GRM7: variants seen among roughly 807,000 people sequenced by gnomAD.
GRM7 encodes metabotropic glutamate receptor 7.
GRM7 carries 35 observed loss-of-function variants against 84.5 expected under a neutral mutation model. That is an observed-to-expected ratio of 0.41 (90% CI 0.32 to 0.55). The LOEUF (loss-of-function observed/expected upper bound fraction) is 0.55. Ranked by LOEUF, GRM7 falls within the 20% of genes least tolerant of loss-of-function variation. GRM7 has a pLI of 0.19. For synonymous variants in GRM7, 487 were observed against 455.1 expected, an observed-to-expected ratio of 1.07 and a Z score of -0.89; for missense variants, 1,003 against 1,194.6, an observed-to-expected ratio of 0.84 and a Z score of 2.36.
At chr3:7,034,573 ATTAC>A (rs1466258265) in intron 1 of GRM7, among the ~76,000 whole-genome samples, 2 of 152,228 alleles carry the variant, frequency 1.3e-5, no homozygotes, top group Non-Finnish European at 2.9e-5. Flanking sequence ...GAACTTCATT[ATTAC>A]TTTTTTCCAG....
intron 8 of GRM7, among the ~76,000 whole-genome samples, chr3:7,601,997 C>T (rs954823032): frequency 7.1e-6 from 1 of 141,094 alleles, no homozygotes; most frequent in Non-Finnish European, 1.5e-5. Flanking sequence ...GAAGGAAGGG[C>T]GAAATGTTGT....
At chr3:7,216,544 G>C (rs951344828) in intron 2 of GRM7, among the ~76,000 whole-genome samples, 3 of 152,220 alleles carry the variant, frequency 2.0e-5, no homozygotes, top group East Asian at 3.9e-4. Context: ...AACAATTTGA[G>C]ATTGCTTTAG....
chr3:6,944,035 G>A lies in GRM7; in HGVS notation c.519+82128G>A, dbSNP rs184213919. On this transcript the variant is annotated intron_variant, in intron 1 of 9. Transcript: ENST00000357716. ...GTTTTGTATACTGACCTTTTATTTT[G>A]CAATTCTCATAAACTCATTTTTTAG... is the stretch of plus-strand genomic sequence containing the variant. 1.8e-3 allele frequency among the ~76,000 whole-genome samples: 267 copies of A among 151,818 alleles called. 3 individuals are homozygous for A. The highest frequency in any genetic ancestry group is 5.8e-3 in the African/African-American group (240 of 41,416).
chr3:7,089,726 A>G (rs1376079112), intron 1 of GRM7, among the ~76,000 whole-genome samples: 1 of 152,226 alleles, frequency 6.6e-6, no homozygotes, highest in Non-Finnish European at 1.5e-5. Context: ...GTTGTCAAAG[A>G]GAAAGATACC....
intron 4 of GRM7, among the ~76,000 whole-genome samples, chr3:7,313,860 C>A (rs886768019): frequency 5.3e-5 from 8 of 151,966 alleles, no homozygotes; most frequent in African/African-American, 1.5e-4. Context: ...AATGCTCTTA[C>A]AATCATGAAG....
chr3:7,687,643 T>C (rs1249882647), intron 9 of GRM7, among the ~76,000 whole-genome samples: 1 of 152,136 alleles, frequency 6.6e-6, no homozygotes, highest in Non-Finnish European at 1.5e-5. Flanking sequence ...GGGAAAAATA[T>C]TGCTTAATGA....
intron 2 of GRM7, among the ~76,000 whole-genome samples, chr3:7,166,863 T>A (rs1391471200): frequency 6.6e-6 from 1 of 152,190 alleles, no homozygotes; most frequent in African/African-American, 2.4e-5. Flanking sequence ...TTAGCATTTA[T>A]CTGGCTTTAG....
intron 1 of GRM7, among the ~76,000 whole-genome samples, chr3:7,019,943 A>G (rs1431171086): frequency 2.0e-5 from 3 of 152,234 alleles, no homozygotes; most frequent in Admixed American, 6.5e-5. Flanking sequence ...TTTTGTTTCT[A>G]TCACTGGCTG....
chr3:7,429,034 A>T (rs1696725817), intron 5 of GRM7, among the ~76,000 whole-genome samples: 1 of 152,160 alleles, frequency 6.6e-6, no homozygotes, highest in Non-Finnish European at 1.5e-5. Flanking sequence ...AAGTTGTTAA[A>T]TGGAGTAGTA....
At chr3:7,464,560 G>C (rs546259389) in intron 7 of GRM7, among the ~76,000 whole-genome samples, 1 of 152,182 alleles carries the variant, frequency 6.6e-6, no homozygotes, top group Admixed American at 6.5e-5. Context: ...GCCAGGTGCA[G>C]TGGCTCATGC....
chr3:7,448,995 G>A (rs983317081), intron 5 of GRM7, among the ~76,000 whole-genome samples: 6 of 151,640 alleles, frequency 4.0e-5, no homozygotes, highest in Non-Finnish European at 7.4e-5. Context: ...TTATAAAGTA[G>A]CAGGTTATAA....
At chr3:7,361,422 C>T (rs1215419932) in intron 4 of GRM7, among the ~76,000 whole-genome samples, 1 of 152,076 alleles carries the variant, frequency 6.6e-6, no homozygotes, top group African/African-American at 2.4e-5. Flanking sequence ...AACTAGTGTC[C>T]TCTTGAGCCT....
intron 4 of GRM7, among the ~76,000 whole-genome samples, chr3:7,410,779 T>G (rs1695901778): frequency 6.6e-6 from 1 of 152,158 alleles, no homozygotes; most frequent in African/African-American, 2.4e-5. Flanking sequence ...TGTTATCATT[T>G]GGACCAAAGA....
intron 1 of GRM7, among the ~76,000 whole-genome samples, chr3:6,874,077 T>A (rs1695219470): frequency 1.3e-5 from 2 of 152,168 alleles, no homozygotes; most frequent in Non-Finnish European, 1.5e-5. Flanking sequence ...TATTGTAACC[T>A]CTCTAAGCCT....
chr3:7,247,201 A>T (rs1697796410), intron 2 of GRM7, among the ~76,000 whole-genome samples: 2 of 152,152 alleles, frequency 1.3e-5, no homozygotes, highest in South Asian at 4.1e-4. Flanking sequence ...AGTTTTAGGA[A>T]AAAATACATG....
intron 9 of GRM7, among the ~76,000 whole-genome samples, chr3:7,725,289 T>A (rs760113889): frequency 2.6e-5 from 4 of 152,192 alleles, no homozygotes; most frequent in Non-Finnish European, 5.9e-5. Context: ...GGGAATATCT[T>A]GGGAAAAAAA....
chr3:7,339,855 G>T (rs1701571250), intron 4 of GRM7, among the ~76,000 whole-genome samples: 1 of 152,070 alleles, frequency 6.6e-6, no homozygotes, highest in Non-Finnish European at 1.5e-5. Flanking sequence ...AAGTATGAAA[G>T]GATTCCAGTG....
chr3:7,004,133 G>T (rs1450233570), intron 1 of GRM7, among the ~76,000 whole-genome samples: 1 of 152,162 alleles, frequency 6.6e-6, no homozygotes, highest in Non-Finnish European at 1.5e-5. Context: ...AACCTGATAA[G>T]TCATACTCCA....
intron 7 of GRM7, among the ~76,000 whole-genome samples, chr3:7,502,999 C>T (rs1022818013): frequency 1.3e-5 from 2 of 152,096 alleles, no homozygotes; most frequent in African/African-American, 4.8e-5. Flanking sequence ...TTTGCGTATA[C>T]AATAGACTTA....
Sources: gnomAD v4.1 joint callset for allele counts (sites outside exome capture counted in the v4.1 genomes callset) on GRCh38, gnomAD v4.1.1 for gene constraint, MANE v1.5 for transcripts, NCBI Gene and HGNC (gene_info 2026-07-23, HGNC 2026-07-21) for gene names.